The following GPR176 variants were observed in gnomAD, a reference collection of about 807,000 sequenced individuals.
GPR176 encodes the protein G-protein coupled receptor 176.
In GPR176, 26 loss-of-function variants were observed where a neutral mutation model predicts 35.4. The ratio of observed to expected loss-of-function variants is 0.74; its 90% CI spans 0.54 to 1.02. GPR176 has a LOEUF of 1.02. Ranked by LOEUF, GPR176 falls within the 50% of genes least tolerant of loss-of-function variation. GPR176 has a pLI of 0.00. For missense variants in GPR176, 597 were observed against 665.3 expected (o/e 0.90, Z 1.13); for synonymous variants, 278 against 271.3 (o/e 1.02, Z -0.24).
At chr15:39,856,476 G>A (rs1249809521) in intron 1 of GPR176, among the ~76,000 whole-genome samples, 2 of 152,194 alleles carry the variant, frequency 1.3e-5, no homozygotes, top group African/African-American at 2.4e-5. Context: ...GCGTCTCTCA[G>A]GAGACTATGG....
chr15:39,878,033 T>C (rs2032318242), intron 1 of GPR176, among the ~76,000 whole-genome samples: 1 of 152,002 alleles, frequency 6.6e-6, no homozygotes, highest in South Asian at 2.1e-4. Flanking sequence ...TGTTTTGATA[T>C]ACATGTACAT....
At chr15:39,803,336 G>A (rs1899005397) in intron 2 of GPR176, among the ~76,000 whole-genome samples, 2 of 127,690 alleles carry the variant, frequency 1.6e-5, no homozygotes, top group South Asian at 2.6e-4. Context: ...CTGGAGTATA[G>A]TGGCATGATC....
chr15:39,898,172 G>C (rs2033174748), intron 1 of GPR176, among the ~76,000 whole-genome samples: 1 of 152,080 alleles, frequency 6.6e-6, no homozygotes, highest in Admixed American at 6.5e-5. Flanking sequence ...AGACCAACTA[G>C]AGTAACACAC....
chr15:39,918,646 C>CA (rs1459079069), intron 1 of GPR176, among the ~76,000 whole-genome samples: 1 of 151,574 alleles, frequency 6.6e-6, no homozygotes, highest in African/African-American at 2.4e-5. Flanking sequence ...ACATCCCAGT[C>CA]ATAAAAACAC....
chr15:39,907,917 G>A (rs1232617694), intron 1 of GPR176, among the ~76,000 whole-genome samples: 11 of 152,100 alleles, frequency 7.2e-5, no homozygotes, highest in African/African-American at 9.7e-5. Flanking sequence ...CCCAGGAGGC[G>A]GAGGTTGCAG....
intron 1 of GPR176, among the ~76,000 whole-genome samples, chr15:39,851,794 G>A (rs191407213): frequency 1.1e-4 from 17 of 152,278 alleles, no homozygotes; most frequent in Admixed American, 8.5e-4. Flanking sequence ...TTTAGCACAT[G>A]AAGAATTTGT....
chr15:39,829,336 T>G (rs1900906422), intron 1 of GPR176: 1 of 1,346,546 alleles, frequency 7.4e-7, no homozygotes, highest in Admixed American at 3.1e-5. Context: ...AATGCCAAAG[T>G]TCCATGGGGG....
intron 1 of GPR176, among the ~76,000 whole-genome samples, chr15:39,852,387 G>GC (rs1217407008): frequency 3.9e-5 from 6 of 152,134 alleles, no homozygotes; most frequent in Non-Finnish European, 7.4e-5. Flanking sequence ...TAGAATCTTA[G>GC]CTAGTGTTTC....
Position 39,799,526 on chromosome 15 carries a change from A to C in GPR176, c.*1606T>G, listed in dbSNP as rs912444515. On this transcript the variant is annotated 3_prime_UTR_variant, in exon 3 of 3. Coordinates refer to ENST00000561100, the MANE Select transcript of GPR176 (RefSeq NM_007223.3). Reference sequence around the variant, plus strand: ...AACACAAGACACCACACCCAAGAGAAGAAAGGAAAACAAAACTCCCTACAG... The same window carrying C: ...AACACAAGACACCACACCCAAGAGACGAAAGGAAAACAAAACTCCCTACAG... The C allele has an allele frequency of 2.0e-5, 3 of 152,248 alleles. No homozygotes were observed. Among genetic ancestry groups the C allele is most frequent in the African/African-American group, 7.2e-5 (3 of 41,448 alleles). The allele number at this position is 152,248 out of a possible 1,614,324, so 9.4% of individuals were successfully genotyped here.
At chr15:39,844,749 T>C (rs1300408963) in intron 1 of GPR176, among the ~76,000 whole-genome samples, 2 of 152,070 alleles carry the variant, frequency 1.3e-5, no homozygotes, top group East Asian at 3.9e-4. Context: ...GAATCAAACC[T>C]GGGCAGCCCA....
At chr15:39,817,403 C>T (rs769387240) in intron 1 of GPR176, among the ~76,000 whole-genome samples, 9 of 152,124 alleles carry the variant, frequency 5.9e-5, no homozygotes, top group Admixed American at 2.6e-4. Flanking sequence ...GAGACTGACA[C>T]TTAAATCCAT....
At chr15:39,815,218 G>C (rs1555403343) in intron 1 of GPR176, 1 of 152,386 alleles carries the variant, frequency 6.6e-6, no homozygotes, top group Non-Finnish European at 1.5e-5. Context: ...GCTCAGAAGG[G>C]AGACAGAGGG....
rs1248442851 is a variant in GPR176, at chr15:39,801,605, G to C, written c.1075C>G (p.Leu359Val). The C allele has an allele frequency of 1.2e-6, 2 of 1,613,880 alleles. No homozygotes were observed. The highest frequency in any genetic ancestry group is 1.7e-6 in the Non-Finnish European group (2 of 1,179,874). ...CTACCCGAGCGTATGCTGGGTTCCA[G>C]GCTGGCCTCAGCCATGCCACTCCCT... ...STGSGMAEAS[L>V]EPSIRSGSQL... is the part of the protein sequence containing the mutation. The change falls in exon 3 of 3, where the codon CTG becomes GTG. Residue 359 changes from leucine to valine, a missense_variant. Leu to Val is a conservative substitution (Grantham distance 32). This residue lies in a region of GPR176 where 251 missense variants were observed against 255.4 expected (regional missense o/e 0.98). Transcript: ENST00000561100.
At chr15:39,843,626 A>G (rs2030191128) in intron 1 of GPR176, among the ~76,000 whole-genome samples, 1 of 152,192 alleles carries the variant, frequency 6.6e-6, no homozygotes, top group African/African-American at 2.4e-5. Flanking sequence ...CTGAGGTAGG[A>G]AAGAAAGCCA....
chr15:39,843,835 T>C (rs2030207951), intron 1 of GPR176, among the ~76,000 whole-genome samples: 1 of 152,150 alleles, frequency 6.6e-6, no homozygotes, highest in Non-Finnish European at 1.5e-5. Context: ...GCTATCTTCT[T>C]TTCTATGTGA....
rs2033828691 is a variant in GPR176 at position 39,919,850 on chromosome 15, C to T, written c.172+5G>A. ...CGGTCCGGAGGCGCCCCGCGGGAGG[C>T]TTACCGAGCAGCGAGCCTATGAAGA... is the stretch of plus-strand genomic sequence containing the variant. On this transcript the variant is annotated splice_donor_5th_base_variant and intron_variant, in intron 1 of 2. Transcript: ENST00000561100. 3.6e-6 allele frequency: 5 copies of T among 1,403,828 alleles called. No homozygotes were observed. Among genetic ancestry groups the T allele is most frequent in the Non-Finnish European group, 4.7e-6 (5 of 1,073,514 alleles). The allele number at this position is 1,403,828 out of a possible 1,614,324, so 87.0% of individuals were successfully genotyped here.
intron 1 of GPR176, chr15:39,862,145 T>C (rs919111107): frequency 6.6e-6 from 1 of 152,144 alleles, no homozygotes; most frequent in Non-Finnish European, 1.5e-5. Context: ...TAAACTTAAA[T>C]TTTTACTGGT....
intron 1 of GPR176, among the ~76,000 whole-genome samples, chr15:39,895,565 C>G (rs935836000): frequency 3.9e-5 from 6 of 152,158 alleles, no homozygotes; most frequent in Non-Finnish European, 7.3e-5. Flanking sequence ...AACATATTTA[C>G]TTTAAAAGGC....
At chr15:39,900,209 A>C (rs941937607) in intron 1 of GPR176, among the ~76,000 whole-genome samples, 6 of 152,064 alleles carry the variant, frequency 3.9e-5, no homozygotes, top group African/African-American at 1.2e-4. Context: ...CCTAAATTGA[A>C]TAAAAACAAG....
Sources: gnomAD v4.1 joint callset for allele counts (sites outside exome capture counted in the v4.1 genomes callset) on GRCh38, gnomAD v4.1.1 for gene constraint, gnomAD v4.1.1 regional missense constraint, MANE v1.5 for transcripts, NCBI Gene and HGNC (gene_info 2026-07-23, HGNC 2026-07-21) for gene names.